Variants in DCC observed in about 807,000 individuals in gnomAD.
The protein encoded by DCC is DCC netrin 1 receptor, also known as netrin receptor DCC.
In DCC, 58 loss-of-function variants were observed where a neutral mutation model predicts 172.5. That is an observed-to-expected ratio of 0.34 (90% confidence interval 0.27 to 0.42). The LOEUF (loss-of-function observed/expected upper bound fraction) is 0.42, where lower values mean the gene tolerates loss of function less well. Ranked by LOEUF, DCC falls within the 10% of genes least tolerant of loss-of-function variation. The pLI is 1.00. For missense variants in DCC, 1,740 were observed against 1,791.0 expected (o/e 0.97, Z 0.51); for synonymous variants, 709 against 644.5 (o/e 1.10, Z -1.52).
intron 27 of DCC, among the ~76,000 whole-genome samples, 175 bp from the exon 28 acceptor site, chr18:53,526,442 T>A (rs2046456301): frequency 6.6e-6 from 1 of 152,162 alleles, no homozygotes. Context: ...GAATTTGTCT[T>A]CCATTTAGTA....
intron 2 of DCC, among the ~76,000 whole-genome samples, chr18:52,802,475 C>T (rs2038009061): frequency 1.4e-5 from 1 of 72,328 alleles, no homozygotes. Context: ...TTTTTACTCC[C>T]AGCAATTTTT....
chr18:52,973,610 G>T (rs765764528), intron 5 of DCC, among the ~76,000 whole-genome samples: 3 of 152,074 alleles, frequency 2.0e-5, no homozygotes, highest in Non-Finnish European at 4.4e-5. Context: ...TGTGTTCCAT[G>T]CATTCACAGA....
chr18:52,941,553 TACAC>T (rs1314153329), intron 5 of DCC, among the ~76,000 whole-genome samples: 4 of 151,942 alleles, frequency 2.6e-5, no homozygotes, highest in Non-Finnish European at 5.9e-5. Context: ...TGCGCTCATA[TACAC>T]ACACTATATA....
At chr18:52,391,173 A>G (rs2144349398) in intron 1 of DCC, among the ~76,000 whole-genome samples, 1 of 152,240 alleles carries the variant, frequency 6.6e-6, no homozygotes, top group South Asian at 2.1e-4. Flanking sequence ...CACATCCCCA[A>G]GCTACAATAG....
chr18:53,059,040 T>C (rs1599081018), intron 5 of DCC, among the ~76,000 whole-genome samples: 1 of 152,158 alleles, frequency 6.6e-6, no homozygotes, highest in Non-Finnish European at 1.5e-5. Flanking sequence ...CTTACAGTCT[T>C]GGTGGAAGGG....
chr18:52,395,936 T>C (rs1986208940), intron 1 of DCC, among the ~76,000 whole-genome samples: 1 of 152,154 alleles, frequency 6.6e-6, no homozygotes, highest in East Asian at 1.9e-4. Context: ...TTTCTAAACC[T>C]TTCCACAGAT....
At chr18:53,355,747 T>C (rs373152879) in intron 15 of DCC, among the ~76,000 whole-genome samples, 2 of 152,294 alleles carry the variant, frequency 1.3e-5, no homozygotes. Context: ...CTTTTCCTAA[T>C]TGAATACCCT....
chr18:53,446,459 A>G (rs138417980), intron 22 of DCC, among the ~76,000 whole-genome samples: 280 of 152,292 alleles, frequency 1.8e-3, no homozygotes, highest in African/African-American at 6.5e-3. Flanking sequence ...CTGAAGCTGG[A>G]AAGGGGGCAA....
At chr18:53,054,533 T>C (rs556800202) in intron 5 of DCC, among the ~76,000 whole-genome samples, 1 of 152,154 alleles carries the variant, frequency 6.6e-6, no homozygotes, top group East Asian at 1.9e-4. Context: ...ATCCTCCCAT[T>C]ATTATTATCA....
chr18:53,185,047 G>A (rs545421879), intron 9 of DCC, among the ~76,000 whole-genome samples: 3 of 152,202 alleles, frequency 2.0e-5, no homozygotes, highest in African/African-American at 7.2e-5. Flanking sequence ...ATAAATAATG[G>A]AAAGAAGTAA....
At chr18:53,066,002 T>C (rs2042560314) in intron 6 of DCC, 44 bp from the exon 7 acceptor site, 4 of 1,609,814 alleles carry the variant, frequency 2.5e-6, no homozygotes, top group Non-Finnish European at 3.4e-6. Context: ...CACCTTGCAT[T>C]TTTTGCTTTC....
At chr18:53,456,518 A>G (rs1381029269) in intron 23 of DCC, among the ~76,000 whole-genome samples, 2 of 152,246 alleles carry the variant, frequency 1.3e-5, no homozygotes, top group East Asian at 3.8e-4. Context: ...TAGAAAAACT[A>G]GCTTTAAAAT....
chr18:53,178,962 G>A lies in DCC; in HGVS notation c.1419G>A (p.Arg473=). Residue 473 remains arginine (R), a splice_region_variant and synonymous_variant, in exon 9 of 29, where the codon AGG becomes AGA. Transcript: ENST00000442544. ...TTTCTCTGCAACTTTGATTTCTCAGGGAACGAGCATTGAATACAACACAGC... is the reference window on the plus strand; with the variant it reads ...TTTCTCTGCAACTTTGATTTCTCAGAGAACGAGCATTGAATACAACACAGC... The part of the protein sequence containing the change: ...TVFFSREGDN[R]ERALNTTQPG... 1.2e-6 allele frequency: 2 copies of A among 1,613,898 alleles called. No homozygotes were observed. The highest frequency in any genetic ancestry group is 1.1e-5 in the South Asian group (1 of 91,078).
At chr18:52,764,890 T>C (rs2037218970) in intron 2 of DCC, among the ~76,000 whole-genome samples, 2 of 152,322 alleles carry the variant, frequency 1.3e-5, no homozygotes, top group South Asian at 2.1e-4. Context: ...TAACAATTTT[T>C]CAGGCTCTGT....
chr18:53,243,377 G>A (rs964096805), intron 12 of DCC, among the ~76,000 whole-genome samples: 1 of 152,096 alleles, frequency 6.6e-6, no homozygotes, highest in African/African-American at 2.4e-5. Flanking sequence ...TTGGTGCTTG[G>A]CTGCTGTCTT....
At chr18:52,760,883 G>A (rs62081909) in intron 2 of DCC, among the ~76,000 whole-genome samples, 15,124 of 152,124 alleles carry the variant, frequency 0.099, 962 homozygotes, top group Middle Eastern at 0.22. Flanking sequence ...CATCTTAAAC[G>A]TCTACTGTCA....
chr18:53,076,800 A>T (rs542771395), intron 7 of DCC, among the ~76,000 whole-genome samples: 3 of 152,274 alleles, frequency 2.0e-5, no homozygotes, highest in Admixed American at 2.0e-4. Flanking sequence ...TTCTTAAGGA[A>T]TAGTGATTTG....
At chr18:52,565,208 A>C (rs1238331309) in intron 1 of DCC, among the ~76,000 whole-genome samples, 2 of 152,006 alleles carry the variant, frequency 1.3e-5, no homozygotes, top group African/African-American at 4.8e-5. Flanking sequence ...TAAAAATGAT[A>C]ATGTGTCACA....
intron 1 of DCC, among the ~76,000 whole-genome samples, chr18:52,355,505 T>G (rs533984821): frequency 4.6e-5 from 7 of 152,328 alleles, no homozygotes; most frequent in African/African-American, 1.7e-4. Context: ...ATGGATGACA[T>G]TTTTGAAAAA....
Sources: gnomAD v4.1 joint callset for allele counts (sites outside exome capture counted in the v4.1 genomes callset) on GRCh38, gnomAD v4.1.1 for gene constraint, MANE v1.5 for transcripts, NCBI Gene and HGNC (gene_info 2026-07-23, HGNC 2026-07-21) for gene names.